The following PHGDH variants were observed in gnomAD, a reference collection of about 807,000 sequenced individuals.
The protein encoded by PHGDH is phosphoglycerate dehydrogenase.
A neutral mutation model predicts 52.6 loss-of-function variants in PHGDH; 50 were observed. The observed-to-expected ratio is 0.95, with a 90% confidence interval of 0.76 to 1.20. The LOEUF (loss-of-function observed/expected upper bound fraction) is 1.20, where lower values mean the gene tolerates loss of function less well. PHGDH is among the 50% of genes most tolerant of loss of function. The pLI, the probability that PHGDH is intolerant of heterozygous loss-of-function variation, is 0.00. For synonymous variants in PHGDH, 271 were observed against 280.5 expected (o/e 0.97, Z 0.34); for missense variants, 630 against 684.6 (o/e 0.92, Z 0.89).
rs656855 is a variant in PHGDH at position 119,736,104 on chromosome 1, A to G, written c.792+661A>G. On this transcript the variant is annotated intron_variant, in intron 7 of 11. Transcript: ENST00000641023. ...AAAGGACATGGACTTTGGATTAGGT[A>G]GTTGTGGTTCGCAGGTTACTAGCTG... 9.3e-3 allele frequency among the ~76,000 whole-genome samples: 1,413 copies of G among 152,308 alleles called. 23 individuals carry two copies. Among genetic ancestry groups the G allele is most frequent in the African/African-American group, 0.032 (1,341 of 41,562 alleles).
At chr1:119,741,680 G>T in intron 9 of PHGDH, 87 bp from the exon 10 acceptor site, 1 of 1,254,162 alleles carries the variant, frequency 8.0e-7, no homozygotes, top group Non-Finnish European at 1.2e-6. Context: ...GGAGCCCATA[G>T]TCCAGAGCTA....
Position 119,735,386 on chromosome 1 carries a change from G to GC in PHGDH, c.736dup (p.Leu246ProfsTer31). On this transcript the variant is annotated frameshift_variant, in exon 7 of 12. Transcript: ENST00000641023. LOFTEE classifies it high-confidence loss of function. Reference sequence around the variant, plus strand: ...GAGGGATCGTGGACGAAGGCGCCCTGCTCCGGGCCCTGCAGTCTGGCCAGT... The same window carrying GC: ...GAGGGATCGTGGACGAAGGCGCCCTGCCTCCGGGCCCTGCAGTCTGGCCAGT... 1 of 1,614,150 alleles carries GC rather than the reference G, an allele frequency of 6.2e-7. No individual in the cohort carries two copies. Among genetic ancestry groups the GC allele is most frequent in the South Asian group, 1.1e-5 (1 of 91,092 alleles).
chr1:119,727,612 G>A (rs587598456), intron 5 of PHGDH: 118 of 176,772 alleles, frequency 6.7e-4, no homozygotes, highest in African/African-American at 2.6e-3. Context: ...GGCAGATCAT[G>A]AGGTCAGGAG....
At chr1:119,724,981 T>C (rs1651340935) in intron 3 of PHGDH, 1 of 456,618 alleles carries the variant, frequency 2.2e-6, no homozygotes, top group South Asian at 1.5e-5. Flanking sequence ...GGTGCCTATA[T>C]GTAGACTCTA....
rs1460071572 is a variant in PHGDH at position 119,711,998 on chromosome 1, G to A, written c.-25G>A. On this transcript the variant is annotated 5_prime_UTR_variant, in exon 1 of 12. Transcript: ENST00000641023. ...GGCTTAGGTACTTCTACTCACAGCG[G>A]CCGATTCCGAGGCCAACTCCAGCAA... 1 of 1,613,418 alleles carries A rather than the reference G, an allele frequency of 6.2e-7. No individual in the cohort carries two copies. Among genetic ancestry groups the A allele is most frequent in the Middle Eastern group, 1.8e-4 (1 of 5,698 alleles).
chr1:119,717,920 G>C (rs1651001906), intron 1 of PHGDH, among the ~76,000 whole-genome samples: 1 of 152,148 alleles, frequency 6.6e-6, no homozygotes, highest in Non-Finnish European at 1.5e-5. Context: ...ATGGGGGACT[G>C]ATGAGGGTGG....
intron 10 of PHGDH, 169 bp from the exon 11 acceptor site, chr1:119,742,638 G>A (rs1571020375): frequency 4.6e-6 from 3 of 651,968 alleles, no homozygotes; most frequent in East Asian, 2.7e-5. Flanking sequence ...AGCTGATGCC[G>A]AAGGGCACAC....
intron 1 of PHGDH, chr1:119,720,889 C>T (rs1281364642): frequency 6.9e-6 from 3 of 437,638 alleles, no homozygotes; most frequent in Non-Finnish European, 1.3e-5. Context: ...AGCCAGGTGC[C>T]CAGAGCCCAT....
chr1:119,726,789 A>T lies in PHGDH; in HGVS notation c.357-62A>T, dbSNP rs1199879519. ...AGTGACTGTGCAAACCTGATGTTGC[A>T]TCTCCTTCCTGGGCTGGCGGGAGTC... On this transcript the variant is annotated intron_variant, in intron 3 of 11. Coordinates refer to ENST00000641023, the MANE Select transcript of PHGDH (RefSeq NM_006623.4). The T allele has an allele frequency of 1.5e-5, 21 of 1,370,722 alleles. No individual in the cohort carries two copies. In the Admixed American group the frequency reaches 3.2e-4, roughly 21 times the overall value. The allele number at this position is 1,370,722 out of a possible 1,614,324, so 84.9% of individuals were successfully genotyped here.
intron 3 of PHGDH, chr1:119,725,095 AAAGG>A: frequency 2.3e-6 from 1 of 428,652 alleles, no homozygotes; most frequent in South Asian, 1.6e-5. Flanking sequence ...CAGCACACAG[AAAGG>A]AAGGAAGGAG....
Position 119,727,014 on chromosome 1 carries a change from C to T in PHGDH, c.422C>T (p.Thr141Ile), listed in dbSNP as rs200037593. 120 of 1,613,322 alleles carry T rather than the reference C, an allele frequency of 7.4e-5. No homozygotes were observed. The highest frequency in any genetic ancestry group is 1.2e-4 in the Admixed American group (7 of 60,030). The change falls in exon 5 of 12, where the codon ACA becomes ATA. Residue 141 changes from threonine to isoleucine, a missense_variant. Coordinates refer to ENST00000641023, the MANE Select transcript of PHGDH (RefSeq NM_006623.4). Reference protein sequence around the residue: ...GKWERKKFMGTELNGKTLGIL... With the variant: ...GKWERKKFMGIELNGKTLGIL... ...CCTGTTTGGTTGCAGTTCATGGGAA[C>T]AGAGCTGAATGGAAAGACCCTGGGA...
intron 1 of PHGDH, among the ~76,000 whole-genome samples, 180 bp downstream of exon 1, chr1:119,712,340 C>T (rs1650734208): frequency 6.6e-6 from 1 of 152,204 alleles, no homozygotes; most frequent in Non-Finnish European, 1.5e-5. Flanking sequence ...GAAGAACAAA[C>T]GGCGGCGAGA....
chr1:119,732,238 AG>A (rs1651726312), intron 5 of PHGDH, among the ~76,000 whole-genome samples: 1 of 152,156 alleles, frequency 6.6e-6, no homozygotes, highest in East Asian at 1.9e-4. Flanking sequence ...CCAGCCTCTC[AG>A]GGCTGTCTTC....
chr1:119,717,232 C>CAA (rs58549149), intron 1 of PHGDH, among the ~76,000 whole-genome samples: 4,568 of 37,212 alleles, frequency 0.12, 1,124 homozygotes, highest in Non-Finnish European at 0.16. Context: ...AACTCTGTCT[C>CAA]AAAAAAAAAA....
chr1:119,714,967 A>G (rs1042670550), intron 1 of PHGDH, among the ~76,000 whole-genome samples: 1 of 152,250 alleles, frequency 6.6e-6, no homozygotes, highest in Non-Finnish European at 1.5e-5. Context: ...CAGTCAAAAA[A>G]GTTTGGAAAA....
At chr1:119,725,184 C>T (rs943797117) in intron 3 of PHGDH, among the ~76,000 whole-genome samples, 6 of 152,192 alleles carry the variant, frequency 3.9e-5, no homozygotes, top group African/African-American at 1.4e-4. Context: ...GGCCAGCAAC[C>T]ATTTAATTAT....
chr1:119,723,686 T>G (rs587632211), intron 3 of PHGDH, among the ~76,000 whole-genome samples: 1 of 152,040 alleles, frequency 6.6e-6, no homozygotes, highest in Non-Finnish European at 1.5e-5. Flanking sequence ...TTCTCCATGC[T>G]GCAGACAATC....
chr1:119,737,635 G>A (rs997359906), intron 8 of PHGDH, among the ~76,000 whole-genome samples: 1 of 152,144 alleles, frequency 6.6e-6, no homozygotes, highest in Non-Finnish European at 1.5e-5. Context: ...GTGGGGATGT[G>A]GTTGGGGACG....
intron 3 of PHGDH, among the ~76,000 whole-genome samples, chr1:119,726,421 G>C (rs977975917): frequency 6.6e-6 from 1 of 152,104 alleles, no homozygotes; most frequent in Non-Finnish European, 1.5e-5. Flanking sequence ...AGTAGAAGAC[G>C]TCATAGGTTA....
Sources: allele counts gnomAD v4.1 joint callset (sites outside exome capture counted in the v4.1 genomes callset), GRCh38; gene constraint gnomAD v4.1.1; transcripts MANE v1.5; gene names NCBI Gene and HGNC (gene_info 2026-07-23, HGNC 2026-07-21).